HS3ST2: variants seen among roughly 807,000 people sequenced by gnomAD.
HS3ST2 encodes heparan sulfate-glucosamine 3-sulfotransferase 2.
A neutral mutation model predicts 26.3 loss-of-function variants in HS3ST2; 17 were observed. The observed-to-expected ratio is 0.65, with a 90% CI of 0.44 to 0.97. The LOEUF (loss-of-function observed/expected upper bound fraction) is 0.97. Ranked by LOEUF, HS3ST2 falls within the 50% of genes least tolerant of loss-of-function variation. HS3ST2 has a pLI of 0.00. For missense variants in HS3ST2, 402 were observed against 501.2 expected, an observed-to-expected ratio of 0.80 and a Z score of 1.89; for synonymous variants, 237 against 219.2, an observed-to-expected ratio of 1.08 and a Z score of -0.72.
chr16:22,906,480 C>T (rs887469410), intron 1 of HS3ST2, among the ~76,000 whole-genome samples: 1 of 152,104 alleles, frequency 6.6e-6, no homozygotes. Context: ...GCTCCAAAAC[C>T]CCCTCAAGTG....
At chr16:22,844,176 C>T (rs1246887976) in intron 1 of HS3ST2, among the ~76,000 whole-genome samples, 5 of 152,046 alleles carry the variant, frequency 3.3e-5, no homozygotes, top group African/African-American at 1.2e-4. Context: ...CATGTAAGTG[C>T]CATATGTCCC....
intron 1 of HS3ST2, among the ~76,000 whole-genome samples, chr16:22,844,749 C>T (rs962498914): frequency 1.3e-5 from 2 of 152,170 alleles, no homozygotes; most frequent in African/African-American, 4.8e-5. Context: ...TCACTTTCAC[C>T]TTTACCTTCA....
At chr16:22,842,953 GT>G (rs1358312418) in intron 1 of HS3ST2, among the ~76,000 whole-genome samples, 1 of 152,122 alleles carries the variant, frequency 6.6e-6, no homozygotes, top group East Asian at 1.9e-4. Flanking sequence ...AGTGTTTCTG[GT>G]TTTGAATCTC....
At chr16:22,864,882 C>CAAAAAAAA (rs34942780) in intron 1 of HS3ST2, among the ~76,000 whole-genome samples, 10,748 of 56,610 alleles carry the variant, frequency 0.19, 1,469 homozygotes, top group African/African-American at 0.28. Context: ...CCTGTCTCCA[C>CAAAAAAAA]AAAAAAAAAA....
chr16:22,885,559 G>C (rs1304034630), intron 1 of HS3ST2, among the ~76,000 whole-genome samples: 3 of 151,740 alleles, frequency 2.0e-5, no homozygotes, highest in Non-Finnish European at 4.4e-5. Flanking sequence ...GGGTTCAAGT[G>C]ATTCTCCTGC....
At chr16:22,828,794 G>A (rs991750262) in intron 1 of HS3ST2, among the ~76,000 whole-genome samples, 3 of 152,164 alleles carry the variant, frequency 2.0e-5, no homozygotes, top group African/African-American at 7.2e-5. Flanking sequence ...AAGCTCTGTG[G>A]TGGCGCAGTC....
chr16:22,861,212 T>C (rs1015238471), intron 1 of HS3ST2, among the ~76,000 whole-genome samples: 3 of 152,042 alleles, frequency 2.0e-5, no homozygotes, highest in Non-Finnish European at 4.4e-5. Context: ...TTGTATATCA[T>C]AGTTTTGATA....
intron 1 of HS3ST2, among the ~76,000 whole-genome samples, chr16:22,864,088 A>G (rs562277716): frequency 6.6e-6 from 1 of 152,286 alleles, no homozygotes; most frequent in African/African-American, 2.4e-5. Context: ...ACCCTGGACA[A>G]TTGGATCTTT....
intron 1 of HS3ST2, among the ~76,000 whole-genome samples, chr16:22,852,256 G>A (rs1901528591): frequency 6.6e-6 from 1 of 152,178 alleles, no homozygotes; most frequent in Non-Finnish European, 1.5e-5. Context: ...TGGTCTAAAT[G>A]AGCTCCTAGT....
intron 1 of HS3ST2, among the ~76,000 whole-genome samples, chr16:22,864,758 C>A (rs534595366): frequency 9.9e-5 from 15 of 151,884 alleles, no homozygotes; most frequent in Non-Finnish European, 1.6e-4. Context: ...AATAGTCAGG[C>A]TTTGGCTATA....
intron 1 of HS3ST2, among the ~76,000 whole-genome samples, chr16:22,905,387 G>A (rs533022838): frequency 8.6e-5 from 13 of 151,906 alleles, no homozygotes; most frequent in Non-Finnish European, 1.8e-4. Flanking sequence ...GAAAGCCTCA[G>A]GATGACAAGA....
At chr16:22,863,549 T>C (rs1901708422) in intron 1 of HS3ST2, among the ~76,000 whole-genome samples, 1 of 152,248 alleles carries the variant, frequency 6.6e-6, no homozygotes, top group Non-Finnish European at 1.5e-5. Context: ...GTGAGCATAG[T>C]ACACAACAGT....
chr16:22,863,972 T>C (rs1901714139), intron 1 of HS3ST2, among the ~76,000 whole-genome samples: 4 of 152,248 alleles, frequency 2.6e-5, no homozygotes, highest in African/African-American at 7.2e-5. Context: ...CTCAAATGTA[T>C]AGAATGAACA....
At chr16:22,905,559 C>T (rs1902341379) in intron 1 of HS3ST2, among the ~76,000 whole-genome samples, 1 of 152,040 alleles carries the variant, frequency 6.6e-6, no homozygotes, top group Non-Finnish European at 1.5e-5. Flanking sequence ...ATGATTCTGC[C>T]TCATTGTTCC....
At chr16:22,903,399 G>A (rs757644634) in intron 1 of HS3ST2, among the ~76,000 whole-genome samples, 1 of 152,154 alleles carries the variant, frequency 6.6e-6, no homozygotes, top group African/African-American at 2.4e-5. Context: ...CCAAAGCATC[G>A]ATGACCACGT....
At chr16:22,829,353 T>A (rs945593819) in intron 1 of HS3ST2, among the ~76,000 whole-genome samples, 1 of 152,218 alleles carries the variant, frequency 6.6e-6, no homozygotes, top group African/African-American at 2.4e-5. Context: ...ATACAAGTCT[T>A]ATTTAAATAG....
intron 1 of HS3ST2, among the ~76,000 whole-genome samples, chr16:22,900,228 G>A (rs529389124): frequency 1.3e-5 from 2 of 152,240 alleles, no homozygotes; most frequent in Non-Finnish European, 2.9e-5. Flanking sequence ...GAGTTGCCAT[G>A]CATGCTGTTT....
intron 1 of HS3ST2, among the ~76,000 whole-genome samples, chr16:22,870,001 T>C (rs1284545345): frequency 6.6e-6 from 1 of 152,116 alleles, no homozygotes; most frequent in Non-Finnish European, 1.5e-5. Context: ...GCAAACATAG[T>C]CTTAAATTCT....
intron 1 of HS3ST2, among the ~76,000 whole-genome samples, chr16:22,817,483 T>C (rs1043370477): frequency 6.6e-6 from 1 of 152,252 alleles, no homozygotes; most frequent in African/African-American, 2.4e-5. Flanking sequence ...TCTTTCTGTA[T>C]GTAAAGAACA....
Sources: allele counts gnomAD v4.1 joint callset (sites outside exome capture counted in the v4.1 genomes callset), GRCh38; gene constraint gnomAD v4.1.1; transcripts MANE v1.5; gene names NCBI Gene and HGNC (gene_info 2026-07-23, HGNC 2026-07-21).